Variants in MYRIP observed in about 807,000 individuals in gnomAD.
The protein encoded by MYRIP is rab effector MyRIP.
MYRIP carries 49 observed loss-of-function variants against 98.0 expected under a neutral mutation model. That is an observed-to-expected ratio of 0.50 (90% CI 0.40 to 0.63). The LOEUF (loss-of-function observed/expected upper bound fraction) is 0.63, where lower values mean the gene tolerates loss of function less well. MYRIP is among the 30% of genes least tolerant of loss of function. The probability of loss-of-function intolerance (pLI) is 0.00; values close to 1 mark genes in which losing one functional copy is unlikely to be tolerated. For synonymous variants in MYRIP, 404 were observed against 409.5 expected, an observed-to-expected ratio of 0.99 and a Z score of 0.16; for missense variants, 1,004 against 1,058.2, an observed-to-expected ratio of 0.95 and a Z score of 0.71.
chr3:39,838,101 T>A (rs1025270610), intron 1 of MYRIP, among the ~76,000 whole-genome samples: 5 of 152,072 alleles, frequency 3.3e-5, no homozygotes, highest in African/African-American at 1.2e-4. Context: ...GCTTAAGGAG[T>A]TTTTGGCCTG....
chr3:40,233,336 ATTCT>A (rs1336234400), intron 11 of MYRIP, among the ~76,000 whole-genome samples: 1 of 152,200 alleles, frequency 6.6e-6, no homozygotes, highest in Non-Finnish European at 1.5e-5. Context: ...CCACAGAGAA[ATTCT>A]TTCTAGTACT....
chr3:40,171,335 C>T (rs749230137), intron 8 of MYRIP, among the ~76,000 whole-genome samples: 1 of 152,118 alleles, frequency 6.6e-6, no homozygotes, highest in African/African-American at 2.4e-5. Context: ...GGGGCCTTTC[C>T]AGCAGAGAGT....
Position 40,199,880 on chromosome 3 carries a change from G to A in MYRIP, c.1665+9417G>A, listed in dbSNP as rs554554932. Among the ~76,000 whole-genome samples the A allele has an allele frequency of 1.1e-4, 16 of 151,946 alleles. No individual in the cohort carries two copies. The South Asian group carries it at 3.3e-3, about 32-fold the overall frequency. On this transcript the variant is annotated intron_variant, in intron 10 of 16. Coordinates refer to ENST00000302541, the MANE Select transcript of MYRIP (RefSeq NM_015460.4). ...AGCAGAGCTGCTCTGAGGCACAGTT[G>A]CTCCCCCATTCCTCGCCACTTACCT...
At chr3:40,189,353 A>C (rs903500896) in intron 9 of MYRIP, among the ~76,000 whole-genome samples, 1 of 152,230 alleles carries the variant, frequency 6.6e-6, no homozygotes, top group Non-Finnish European at 1.5e-5. Context: ...TAAAAGAGCC[A>C]AGAGCAGATG....
intron 2 of MYRIP, among the ~76,000 whole-genome samples, chr3:39,975,555 G>A (rs1017118531): frequency 6.6e-6 from 1 of 151,840 alleles, no homozygotes; most frequent in African/African-American, 2.4e-5. Flanking sequence ...CTACTTTAAA[G>A]TTCATATGGA....
chr3:39,883,149 G>C (rs1272753060), intron 1 of MYRIP, among the ~76,000 whole-genome samples: 1 of 152,104 alleles, frequency 6.6e-6, no homozygotes, highest in Non-Finnish European at 1.5e-5. Flanking sequence ...TTGGAGATAG[G>C]GAGATAGGAA....
At chr3:40,060,596 T>TTTGAGAGAGA (rs1947988327) in intron 3 of MYRIP, among the ~76,000 whole-genome samples, 3 of 138,892 alleles carry the variant, frequency 2.2e-5, no homozygotes, top group African/African-American at 8.0e-5. Context: ...TTTCTTTTTT[T>TTTGAGAGAGA]GAGAGAGAGA....
intron 1 of MYRIP, among the ~76,000 whole-genome samples, chr3:39,835,360 G>A (rs374531484): frequency 3.3e-5 from 5 of 151,998 alleles, no homozygotes; most frequent in East Asian, 1.9e-4. Flanking sequence ...TGCTGGGGGC[G>A]GGGGGTGTGG....
intron 3 of MYRIP, among the ~76,000 whole-genome samples, chr3:40,126,367 G>A (rs1296577713): frequency 2.0e-5 from 3 of 152,160 alleles, no homozygotes; most frequent in Non-Finnish European, 4.4e-5. Context: ...TGGTTAAGAT[G>A]AAATGTAAGA....
intron 2 of MYRIP, among the ~76,000 whole-genome samples, chr3:39,988,975 C>T (rs747789295): frequency 2.0e-5 from 3 of 151,734 alleles, no homozygotes; most frequent in East Asian, 1.9e-4. Flanking sequence ...GTTAGCTCAG[C>T]GGAGTTTGTT....
At chr3:39,950,397 T>C (rs1179052616) in intron 2 of MYRIP, among the ~76,000 whole-genome samples, 1 of 152,230 alleles carries the variant, frequency 6.6e-6, no homozygotes, top group Admixed American at 6.5e-5. Context: ...ATCATGAATT[T>C]GACCTTTTGA....
At chr3:39,852,119 T>G (rs745482746) in intron 1 of MYRIP, among the ~76,000 whole-genome samples, 5 of 152,116 alleles carry the variant, frequency 3.3e-5, no homozygotes, top group African/African-American at 4.8e-5. Flanking sequence ...TTTATGGAGA[T>G]AGATTTTTGA....
intron 3 of MYRIP, among the ~76,000 whole-genome samples, chr3:40,047,778 G>A (rs1255534660): frequency 3.9e-5 from 6 of 152,116 alleles, no homozygotes; most frequent in South Asian, 4.1e-4. Flanking sequence ...AAAGTACCAC[G>A]GATGTATGGC....
intron 2 of MYRIP, among the ~76,000 whole-genome samples, chr3:39,934,850 G>C (rs1490757565): frequency 6.6e-6 from 1 of 152,208 alleles, no homozygotes; most frequent in Non-Finnish European, 1.5e-5. Context: ...ACTGTGGACA[G>C]ATATAATTTG....
intron 10 of MYRIP, among the ~76,000 whole-genome samples, chr3:40,206,647 A>T (rs1393597858): frequency 6.6e-6 from 1 of 152,106 alleles, no homozygotes. Flanking sequence ...CCAGTGTGTT[A>T]CAATTGTCTG....
rs554201346 is a variant in MYRIP, at chr3:40,176,233, C to T, written c.874-5987C>T. ...AGGCTGCACTGTTCAGTATGGTGGC[C>T]GTAAGCTACAAGTGACTATTTTAAT... On this transcript the variant is annotated intron_variant, in intron 8 of 16. Transcript: ENST00000302541. 7.8e-4 allele frequency among the ~76,000 whole-genome samples: 118 copies of T among 152,136 alleles called. 2 individuals are homozygous for T. The highest frequency in any genetic ancestry group is 6.0e-3 in the Admixed American group (92 of 15,274).
At chr3:40,255,047 C>T (rs1953529900) in intron 16 of MYRIP, among the ~76,000 whole-genome samples, 1 of 152,308 alleles carries the variant, frequency 6.6e-6, no homozygotes, top group South Asian at 2.1e-4. Context: ...TCAGGCATTA[C>T]ATGGCAATAG....
chr3:39,845,362 T>C (rs1941931409), intron 1 of MYRIP, among the ~76,000 whole-genome samples: 1 of 152,172 alleles, frequency 6.6e-6, no homozygotes, highest in African/African-American at 2.4e-5. Flanking sequence ...ACCACATATT[T>C]AAAAAATACC....
intron 3 of MYRIP, among the ~76,000 whole-genome samples, chr3:40,109,209 T>C (rs1949111624): frequency 1.3e-5 from 2 of 152,200 alleles, no homozygotes. Flanking sequence ...AGTAATGAAC[T>C]GTCTTTTCAA....
Sources: allele counts gnomAD v4.1 joint callset (sites outside exome capture counted in the v4.1 genomes callset), GRCh38; gene constraint gnomAD v4.1.1; transcripts MANE v1.5; gene names NCBI Gene and HGNC (gene_info 2026-07-23, HGNC 2026-07-21).